Variants in TPH2 observed in about 807,000 individuals in gnomAD.
TPH2 encodes the protein tryptophan hydroxylase 2.
Under a neutral mutation model 59.1 loss-of-function variants are expected in TPH2, and 27 were observed. The observed-to-expected ratio is 0.46, with a 90% CI of 0.34 to 0.63. The LOEUF is 0.63. TPH2 is among the 30% of genes least tolerant of loss of function. The pLI is 0.01. For synonymous variants in TPH2, 220 were observed against 210.5 expected (o/e 1.05, Z -0.39); for missense variants, 523 against 588.3 (o/e 0.89, Z 1.15).
chr12:71,942,197 G>A (rs1871088522), intron 2 of TPH2, among the ~76,000 whole-genome samples: 1 of 152,148 alleles, frequency 6.6e-6, no homozygotes, highest in Non-Finnish European at 1.5e-5. Context: ...GTGTCTTAAT[G>A]TATCTTTTTG....
chr12:71,993,923 A>G (rs939408451), intron 7 of TPH2, among the ~76,000 whole-genome samples: 1 of 152,348 alleles, frequency 6.6e-6, no homozygotes, highest in East Asian at 1.9e-4. Context: ...TTTTAGCCCT[A>G]TGATCTCAGT....
chr12:71,964,455 G>A, intron 5 of TPH2: 3 of 960,270 alleles, frequency 3.1e-6, no homozygotes, highest in Non-Finnish European at 3.7e-6. Context: ...GTTAATTTTA[G>A]TATTTTTAGT....
chr12:71,950,014 G>T (rs185803199), intron 5 of TPH2, among the ~76,000 whole-genome samples: 2 of 152,208 alleles, frequency 1.3e-5, no homozygotes, highest in African/African-American at 4.8e-5. Context: ...CTGCTTCCCC[G>T]ATGAAAGTAG....
At chr12:72,000,222 G>GTAAACATTCTACA (rs1872787599) in intron 8 of TPH2, among the ~76,000 whole-genome samples, 1 of 152,198 alleles carries the variant, frequency 6.6e-6, no homozygotes, top group Admixed American at 6.5e-5. Context: ...ATGTTCTACA[G>GTAAACATTCTACA]GGCAATAAAA....
Position 71,982,015 on chromosome 12 carries a change from A to ATTTTT in TPH2, c.941+2941_941+2945dup, listed in dbSNP as rs781612841. Among the ~76,000 whole-genome samples, 312 of 60,502 alleles carry ATTTTT rather than the reference A, an allele frequency of 5.2e-3. 72 individuals are homozygous for ATTTTT. Among genetic ancestry groups the ATTTTT allele is most frequent in the Non-Finnish European group, 6.0e-3 (176 of 29,278 alleles). The allele number at this position is 60,502 out of a possible 152,430, so 39.7% of individuals were successfully genotyped here. On this transcript the variant is annotated intron_variant, in intron 7 of 10. Coordinates refer to ENST00000333850, the MANE Select transcript of TPH2 (RefSeq NM_173353.4). ...TTTTTGTGGGTTTCATATCATTCGT[A>ATTTTT]TTTTTTTTTTTTTTTTTAGACAGAG...
At chr12:72,015,614 C>A (rs553786209) in intron 8 of TPH2, among the ~76,000 whole-genome samples, 1 of 152,058 alleles carries the variant, frequency 6.6e-6, no homozygotes, top group Non-Finnish European at 1.5e-5. Context: ...CCACCGCGCC[C>A]GGCTTTATGT....
At chr12:71,952,362 A>C (rs992292593) in intron 5 of TPH2, among the ~76,000 whole-genome samples, 2 of 152,094 alleles carry the variant, frequency 1.3e-5, no homozygotes, top group Non-Finnish European at 2.9e-5. Flanking sequence ...CCCAGTTTGG[A>C]GGGCTGGGAA....
chr12:71,947,319 A>C (rs1871223454), intron 4 of TPH2, among the ~76,000 whole-genome samples: 1 of 151,864 alleles, frequency 6.6e-6, no homozygotes, highest in Admixed American at 6.6e-5. Flanking sequence ...ATCACTGTTG[A>C]CCTATTTGGG....
At chr12:72,024,012 A>T (rs913193003) in intron 9 of TPH2, among the ~76,000 whole-genome samples, 1 of 152,160 alleles carries the variant, frequency 6.6e-6, no homozygotes, top group Non-Finnish European at 1.5e-5. Context: ...CACACAGTTA[A>T]TAAGTGTTGA....
At chr12:71,944,525 T>C (rs781198303) in intron 3 of TPH2, 48 bp downstream of exon 3, 3 of 1,613,640 alleles carry the variant, frequency 1.9e-6, no homozygotes, top group East Asian at 2.2e-5. Context: ...CTGACAAATA[T>C]TGCAAAGGGG....
intron 5 of TPH2, chr12:71,964,765 T>C: frequency 1.0e-6 from 1 of 985,252 alleles, no homozygotes; most frequent in Non-Finnish European, 1.2e-6. Flanking sequence ...TAATTATAAA[T>C]TTTGTGATGA....
chr12:72,029,424 C>A (rs1277897977), intron 9 of TPH2, among the ~76,000 whole-genome samples: 1 of 152,146 alleles, frequency 6.6e-6, no homozygotes, highest in African/African-American at 2.4e-5. Context: ...TGTACGGATG[C>A]AAAGAAAGCT....
chr12:71,998,923 T>C (rs1270526425), intron 8 of TPH2, among the ~76,000 whole-genome samples: 3 of 152,214 alleles, frequency 2.0e-5, no homozygotes, highest in Non-Finnish European at 4.4e-5. Context: ...GAGATTTATA[T>C]TATTAATGAC....
intron 5 of TPH2, among the ~76,000 whole-genome samples, chr12:71,954,536 C>T (rs952797466): frequency 1.3e-5 from 2 of 152,116 alleles, no homozygotes; most frequent in Admixed American, 6.6e-5. Flanking sequence ...TGCATATAGA[C>T]TTGCAGTTCA....
intron 5 of TPH2, among the ~76,000 whole-genome samples, chr12:71,950,283 G>T (rs1183237799): frequency 1.3e-5 from 2 of 152,192 alleles, no homozygotes; most frequent in Admixed American, 6.5e-5. Flanking sequence ...CTTTGTGTGA[G>T]CAATAAAGCT....
chr12:71,986,517 G>A (rs1872441017), intron 7 of TPH2, among the ~76,000 whole-genome samples: 1 of 151,986 alleles, frequency 6.6e-6, no homozygotes, highest in Non-Finnish European at 1.5e-5. Context: ...TATTTAAAAT[G>A]TGCAGTTAGA....
chr12:72,025,186 G>A (rs974202379), intron 9 of TPH2, among the ~76,000 whole-genome samples: 9 of 152,244 alleles, frequency 5.9e-5, no homozygotes, highest in African/African-American at 1.4e-4. Context: ...GTGTAAACAA[G>A]CTTACAGTTT....
intron 8 of TPH2, among the ~76,000 whole-genome samples, chr12:72,011,040 A>G (rs922182148): frequency 6.6e-6 from 1 of 152,212 alleles, no homozygotes; most frequent in Non-Finnish European, 1.5e-5. Context: ...ATGCTGATCC[A>G]TGCACCTGAT....
chr12:71,986,035 C>A (rs1872424885), intron 7 of TPH2, among the ~76,000 whole-genome samples: 1 of 152,150 alleles, frequency 6.6e-6, no homozygotes, highest in African/African-American at 2.4e-5. Flanking sequence ...GAAACTTACT[C>A]CTTCTTAAGT....
Sources: allele counts gnomAD v4.1 joint callset (sites outside exome capture counted in the v4.1 genomes callset), GRCh38; gene constraint gnomAD v4.1.1; transcripts MANE v1.5; gene names NCBI Gene and HGNC (gene_info 2026-07-23, HGNC 2026-07-21).